PNLIPRP1: variants seen among roughly 807,000 people sequenced by gnomAD.
PNLIPRP1 encodes the protein pancreatic lipase related protein 1, also known as inactive pancreatic lipase-related protein 1.
In PNLIPRP1, 57 loss-of-function variants were observed where a neutral mutation model predicts 54.6. That is an observed-to-expected ratio of 1.04 (90% confidence interval 0.84 to 1.30). The LOEUF (loss-of-function observed/expected upper bound fraction) is 1.30. Among genes scored for constraint, PNLIPRP1 ranks in the 50% most tolerant of loss-of-function variants. The probability of loss-of-function intolerance (pLI) is 0.00; values close to 1 mark genes in which losing one functional copy is unlikely to be tolerated. For missense variants in PNLIPRP1, 567 were observed against 568.5 expected, an observed-to-expected ratio of 1.00 and a Z score of 0.03; for synonymous variants, 232 against 208.8, an observed-to-expected ratio of 1.11 and a Z score of -0.96.
At position 116,597,914 on chromosome 10, in the gene PNLIPRP1, C is replaced by T; in HGVS notation, c.661C>T (p.His221Tyr). 2 of 1,614,214 alleles carry T rather than the reference C, an allele frequency of 1.2e-6. No homozygotes were observed. Among genetic ancestry groups the T allele is most frequent in the Non-Finnish European group, 1.7e-6 (2 of 1,180,044 alleles). Residue 221 changes from histidine to tyrosine, a missense_variant, in exon 7 of 13, where the codon CAC becomes TAC. Transcript: ENST00000358834. ...TGATGCTGACTTTGTTGATGTGATT[C>T]ACACGGATGCAGCTCCCCTGATCCC... ...PSDADFVDVI[H>Y]TDAAPLIPFL...
In PNLIPRP1 at chr10:116,599,276, T is replaced by TAAAATAAAATAAAATAAAATA. The variant is rs1564737800; in HGVS notation, c.815-766_815-746dup. ...ATCTCGAAAATAAAATAAAATAAAA[T>TAAAATAAAATAAAATAAAATA]AAAATAAAATAAAATAAAATAAAAA... On this transcript the variant is annotated intron_variant, in intron 8 of 12. Coordinates refer to ENST00000358834, the MANE Select transcript of PNLIPRP1 (RefSeq NM_006229.4). Among the ~76,000 whole-genome samples, 21 of 150,292 alleles carry TAAAATAAAATAAAATAAAATA rather than the reference T, an allele frequency of 1.4e-4. No individual in the cohort carries two copies. In the East Asian group the frequency reaches 1.8e-3, roughly 13 times the overall value.
chr10:116,591,833 G>C lies in PNLIPRP1; in HGVS notation c.112G>C (p.Ala38Pro). 6.2e-7 allele frequency: 1 copy of C among 1,614,208 alleles called. No homozygotes were observed. The highest frequency in any genetic ancestry group is 1.1e-5 in the South Asian group (1 of 91,090). Residue 38 changes from alanine (A) to proline (P), a missense_variant, in exon 3 of 13, where the codon GCA (alanine) becomes CCA (proline). By Grantham distance (27) the Ala-to-Pro change is conservative. Transcript: ENST00000358834. The part of the protein sequence containing the change: ...FSDTEPWGGT[A>P]IRPLKILPWS... ...TGACACTGAGCCCTGGGGCGGGACA[G>C]CAATCAGGCCCCTGAAAATTCTCCC... is the stretch of plus-strand genomic sequence containing the variant.
intron 6 of PNLIPRP1, 63 bp downstream of exon 6, chr10:116,596,385 A>C (rs1554863978): frequency 1.0e-6 from 1 of 986,172 alleles, no homozygotes; most frequent in African/African-American, 1.6e-5. Flanking sequence ...GGTCTCAAGA[A>C]TGCAGCCCAG....
At chr10:116,598,642 A>T (rs536755854) in intron 8 of PNLIPRP1, among the ~76,000 whole-genome samples, 10 of 152,332 alleles carry the variant, frequency 6.6e-5, no homozygotes, top group African/African-American at 2.4e-4. Flanking sequence ...AATGAGAGCC[A>T]TTGCTCACCC....
rs1477720726 is a variant in PNLIPRP1 at position 116,600,998 on chromosome 10, T to C, written c.934-74T>C. 2.2e-6 allele frequency: 3 copies of C among 1,371,680 alleles called. 1 individual carries two copies. Among genetic ancestry groups the C allele is most frequent in the South Asian group, 2.8e-5 (2 of 71,028 alleles). 85.0% of individuals were successfully genotyped at this position (1,371,680 alleles called of 1,614,324 possible). ...ACGCTTAGGCTGTAGGAAAATTGAG[T>C]GTCTGCCCTCTCAGATGTATCGATC... On this transcript the variant is annotated intron_variant, in intron 9 of 12. Transcript: ENST00000358834.
chr10:116,595,082 C>T (rs1554863781), intron 5 of PNLIPRP1: 3 of 536,206 alleles, frequency 5.6e-6, no homozygotes, highest in Non-Finnish European at 9.8e-6. Context: ...AAATCATCTT[C>T]AATTTACAGA....
chr10:116,607,705 G>A (rs367980730), intron 12 of PNLIPRP1, among the ~76,000 whole-genome samples: 171 of 152,304 alleles, frequency 1.1e-3, no homozygotes, highest in African/African-American at 3.7e-3. Context: ...CAAAGCTTCC[G>A]AGCTCACAGG....
rs1554864689 is a variant in PNLIPRP1, at chr10:116,601,007, T to G, written c.934-65T>G. 3.4e-6 allele frequency: 5 copies of G among 1,463,926 alleles called. No individual in the cohort carries two copies. The African/African-American group carries it at 5.6e-5, about 16-fold the overall frequency. The allele number at this position is 1,463,926 out of a possible 1,614,324, so 90.7% of individuals were successfully genotyped here. ...CTGTAGGAAAATTGAGTGTCTGCCC[T>G]CTCAGATGTATCGATCATACAAACA... On this transcript the variant is annotated intron_variant, in intron 9 of 12. Transcript: ENST00000358834.
At chr10:116,599,089 T>C (rs1347665788) in intron 8 of PNLIPRP1, among the ~76,000 whole-genome samples, 4 of 151,850 alleles carry the variant, frequency 2.6e-5, no homozygotes, top group Admixed American at 6.6e-5. Flanking sequence ...ACCCCGTCTC[T>C]ACTAAAAATA....
intron 12 of PNLIPRP1, among the ~76,000 whole-genome samples, chr10:116,605,781 G>T (rs1847927054): frequency 6.6e-6 from 1 of 152,150 alleles, no homozygotes; most frequent in African/African-American, 2.4e-5. Context: ...AGAAGATAAG[G>T]CTGCACTTTC....
chr10:116,592,489 T>A lies in PNLIPRP1; in HGVS notation c.278T>A (p.Ile93Asn). The A allele has an allele frequency of 6.2e-7, 1 of 1,614,142 alleles. No homozygotes were observed. The highest frequency in any genetic ancestry group is 8.5e-7 in the Non-Finnish European group (1 of 1,180,000). ...ATGGACAGAAAGACCCGGTTCATCA[T>A]CCATGGCTTCATAGACAAAGGAGAT... ...FQMDRKTRFI[I>N]HGFIDKGDES... is the part of the protein sequence containing the mutation. Residue 93 changes from isoleucine (I) to asparagine (N), a missense_variant, in exon 4 of 13, where the codon ATC becomes AAC. Ile to Asn is a moderately radical substitution (Grantham distance 149). Coordinates refer to ENST00000358834, the MANE Select transcript of PNLIPRP1 (RefSeq NM_006229.4).
chr10:116,594,543 G>C (rs1847700099), intron 4 of PNLIPRP1, 187 bp from the exon 5 acceptor site: 7 of 655,844 alleles, frequency 1.1e-5, no homozygotes, highest in Non-Finnish European at 1.8e-5. Flanking sequence ...GGGGGAATCA[G>C]TTTGCCTTTC....
intron 8 of PNLIPRP1, among the ~76,000 whole-genome samples, chr10:116,599,661 G>C (rs1847798679): frequency 6.6e-6 from 1 of 152,198 alleles, no homozygotes; most frequent in Non-Finnish European, 1.5e-5. Flanking sequence ...TAAGGTTAGA[G>C]GGATGGGCCG....
intron 12 of PNLIPRP1, 121 bp from the exon 13 acceptor site, chr10:116,608,932 G>A (rs1847980534): frequency 1.3e-6 from 1 of 785,626 alleles, no homozygotes; most frequent in African/African-American, 1.7e-5. Context: ...CTCATCAACT[G>A]TGACCTGGGC....
At chr10:116,608,291 T>G (rs1292874310) in intron 12 of PNLIPRP1, among the ~76,000 whole-genome samples, 5 of 152,144 alleles carry the variant, frequency 3.3e-5, no homozygotes, top group African/African-American at 1.2e-4. Context: ...AAATCTTGAT[T>G]TTCTTTAGCT....
intron 9 of PNLIPRP1, among the ~76,000 whole-genome samples, 178 bp from the exon 10 acceptor site, chr10:116,600,894 C>T (rs781828849): frequency 6.6e-6 from 1 of 152,182 alleles, no homozygotes; most frequent in Non-Finnish European, 1.5e-5. Context: ...TGTGTTGTGC[C>T]TAAAAGTTGG....
chr10:116,606,844 C>T (rs1188815489), intron 12 of PNLIPRP1, among the ~76,000 whole-genome samples: 2 of 152,174 alleles, frequency 1.3e-5, no homozygotes, highest in East Asian at 1.9e-4. Flanking sequence ...CAGCTCCCCT[C>T]GCTGTCTGCT....
At position 116,601,183 on chromosome 10, in the gene PNLIPRP1, G is replaced by A; in HGVS notation, c.1045G>A (p.Glu349Lys). The A allele has an allele frequency of 6.2e-7, 1 of 1,613,542 alleles. No homozygotes were observed. The highest frequency in any genetic ancestry group is 8.5e-7 in the Non-Finnish European group (1 of 1,179,876). The change falls in exon 10 of 13, where the codon GAG becomes AAG. Residue 349 changes from glutamate (E) to lysine (K), a missense_variant. Transcript: ENST00000358834. Reference protein sequence around the residue: ...EQQKFFLNTGEASNFARWRYG... With the variant: ...EQQKFFLNTGKASNFARWRYG... ...GCAGAAATTCTTCTTGAACACAGGA[G>A]AGGCTAGCAATTTCGCTCGTAAGTT...
In PNLIPRP1 at chr10:116,601,175, AC is replaced by A. The variant is rs1564738742; in HGVS notation, c.1038del (p.Asn346LysfsTer79). 1.2e-6 allele frequency: 2 copies of A among 1,614,060 alleles called. No individual in the cohort carries two copies. On this transcript the variant is annotated frameshift_variant, in exon 10 of 13. Transcript: ENST00000358834. LOFTEE classifies it high-confidence loss of function. ...TSEEQQKFFL[N>X]TGEASNFARW... ...GAAGAGCAGCAGAAATTCTTCTTGA[AC>A]ACAGGAGAGGCTAGCAATTTCGCTC...
Sources: gnomAD v4.1 joint callset for allele counts (sites outside exome capture counted in the v4.1 genomes callset) on GRCh38, gnomAD v4.1.1 for gene constraint, MANE v1.5 for transcripts, NCBI Gene and HGNC (gene_info 2026-07-23, HGNC 2026-07-21) for gene names.